The following PIEZO1 variants were observed in gnomAD, a reference collection of about 807,000 sequenced individuals.
PIEZO1 encodes the protein piezo type mechanosensitive ion channel component 1 (Er blood group), also known as piezo-type mechanosensitive ion channel component 1.
In PIEZO1, 296 loss-of-function variants were observed where a neutral mutation model predicts 297.2. The observed-to-expected ratio is 1.00, with a 90% CI of 0.91 to 1.10. The LOEUF is 1.10. Among genes scored for constraint, PIEZO1 ranks in the 50% least tolerant of loss-of-function variants. The pLI, the probability that PIEZO1 is intolerant of heterozygous loss-of-function variation, is 0.00. For missense variants in PIEZO1, 5,018 were observed against 3,455.5 expected (o/e 1.45, Z -11.34); for synonymous variants, 2,427 against 1,507.5 (o/e 1.61, Z -14.13).
At position 88,716,134 on chromosome 16, in the gene PIEZO1, G is replaced by GA; in HGVS notation, c.7130-16dup. On this transcript the variant is annotated splice_polypyrimidine_tract_variant and intron_variant, in intron 49 of 50. Coordinates refer to ENST00000301015, the MANE Select transcript of PIEZO1 (RefSeq NM_001142864.4). ...GGCCTCCTCATCTGGGATGGAGGGA[G>GA]AAGATCGTTGAGGCCGCAGGTCACC... 2.6e-6 allele frequency: 4 copies of GA among 1,535,930 alleles called. No individual in the cohort carries two copies. The highest frequency in any genetic ancestry group is 3.5e-6 in the Non-Finnish European group (4 of 1,137,068).
At chr16:88,724,531 CAAA>C (rs374217979) in intron 30 of PIEZO1, among the ~76,000 whole-genome samples, 25 of 99,422 alleles carry the variant, frequency 2.5e-4, no homozygotes, top group Admixed American at 6.0e-4. Flanking sequence ...ACACCGTCTC[CAAA>C]AAAAAAAAAA....
chr16:88,783,844 T>C (rs992959163), intron 1 of PIEZO1, among the ~76,000 whole-genome samples: 5 of 152,232 alleles, frequency 3.3e-5, no homozygotes, highest in African/African-American at 1.2e-4. Context: ...CAGGCGGCTC[T>C]AGATCCCCAA....
In PIEZO1 at chr16:88,722,805, C is replaced by T. The variant is rs1041417737; in HGVS notation, c.4668+32G>A. 1.8e-5 allele frequency: 28 copies of T among 1,538,506 alleles called. No homozygotes were observed. The African/African-American group carries it at 3.2e-4, about 17-fold the overall frequency. The stretch of plus-strand genomic sequence containing the variant: ...CAGGCAGGGGCGTAGTCAGGCAGAG[C>T]AGGGACGAGCGTGGTGCACGGGCAG... On this transcript the variant is annotated intron_variant, in intron 34 of 50. Transcript: ENST00000301015.
chr16:88,736,781 C>A (rs1217142984), intron 10 of PIEZO1, 42 bp from the exon 11 acceptor site: 1 of 1,281,108 alleles, frequency 7.8e-7, no homozygotes, highest in Non-Finnish European at 1.1e-6. Context: ...GGTTGATCTG[C>A]AGGCCTCCCC....
At chr16:88,734,598 G>T (rs910070855) in intron 15 of PIEZO1, 52 bp downstream of exon 15, 5 of 1,547,934 alleles carry the variant, frequency 3.2e-6, no homozygotes, top group African/African-American at 2.7e-5. Flanking sequence ...CAGCCCCGGG[G>T]AAGTGCACGG....
intron 1 of PIEZO1, among the ~76,000 whole-genome samples, chr16:88,751,835 A>G (rs2142867584): frequency 6.6e-6 from 1 of 152,186 alleles, no homozygotes; most frequent in Middle Eastern, 3.4e-3. Context: ...TCCCCTCTGC[A>G]CCTGTCCAGC....
intron 21 of PIEZO1, 131 bp from the exon 22 acceptor site, chr16:88,732,041 C>T (rs1402648323): frequency 4.7e-5 from 4 of 84,520 alleles, no homozygotes; most frequent in South Asian, 1.4e-4. Context: ...AAGGACAGGG[C>T]CAGCGGCGCT....
Position 88,725,629 on chromosome 16 carries a change from T to G in PIEZO1, c.4024A>C (p.Ile1342Leu). The G allele has an allele frequency of 2.6e-6, 4 of 1,549,676 alleles. No individual in the cohort carries two copies. The highest frequency in any genetic ancestry group is 3.5e-6 in the Non-Finnish European group (4 of 1,146,156). The change falls in exon 28 of 51, where the codon ATA becomes CTA. Residue 1342 changes from isoleucine (I) to leucine (L), a missense_variant. Ile to Leu is a conservative substitution (Grantham distance 5). Transcript: ENST00000301015. The stretch of plus-strand genomic sequence containing the variant: ...AGCTGGGCCAGGGACTTCTCCTCTA[T>G]CCTGCGGTGAAAGTCAATGCTCTTG... The part of the protein sequence containing the change: ...NLKSIDFHRR[I>L]EEKSLAQLKR...
intron 1 of PIEZO1, among the ~76,000 whole-genome samples, chr16:88,770,474 G>A (rs1471490186): frequency 6.6e-6 from 1 of 152,232 alleles, no homozygotes; most frequent in Non-Finnish European, 1.5e-5. Context: ...GAAGAGTCCA[G>A]AGTCTGCCAG....
intron 2 of PIEZO1, among the ~76,000 whole-genome samples, chr16:88,746,901 C>G (rs530201170): frequency 6.6e-6 from 1 of 152,366 alleles, no homozygotes; most frequent in South Asian, 2.1e-4. Context: ...ACCGGCTCCA[C>G]AGAGCAAAGG....
In PIEZO1 at chr16:88,723,218, C is replaced by G; in HGVS notation, c.4438+8G>C. The G allele has an allele frequency of 1.3e-6, 2 of 1,548,350 alleles. No individual in the cohort carries two copies. The highest frequency in any genetic ancestry group is 1.7e-6 in the Non-Finnish European group (2 of 1,146,840). On this transcript the variant is annotated splice_region_variant and intron_variant, in intron 32 of 50. Transcript: ENST00000301015. ...TTCCCCTCAGAGTCCCCACGCCCCC[C>G]AGCTCACCTGTGGGTAGCTGTCCTG...
intron 1 of PIEZO1, among the ~76,000 whole-genome samples, chr16:88,781,412 C>G (rs1907931862): frequency 6.6e-6 from 1 of 152,246 alleles, no homozygotes; most frequent in Non-Finnish European, 1.5e-5. Flanking sequence ...TGGGCAGTCC[C>G]TGGCCCCTTC....
intron 2 of PIEZO1, among the ~76,000 whole-genome samples, chr16:88,744,686 C>T (rs559623150): frequency 4.0e-5 from 6 of 151,614 alleles, no homozygotes; most frequent in East Asian, 1.9e-4. Context: ...GTTCAGTTCT[C>T]GGGCCGGCCA....
Position 88,719,689 on chromosome 16 carries a change from C to T in PIEZO1, c.6356G>A (p.Arg2119Gln), listed in dbSNP as rs1403034076. The T allele has an allele frequency of 1.5e-5, 23 of 1,552,374 alleles. No homozygotes were observed. Among genetic ancestry groups the T allele is most frequent in the Admixed American group, 3.9e-5 (2 of 51,276 alleles). Residue 2119 changes from arginine (R) to glutamine (Q), a missense_variant, in exon 44 of 51, where the codon CGG becomes CAG. By Grantham distance (43) the Arg-to-Gln change is conservative. Transcript: ENST00000301015. ...CGTCCACACCCAGTCCATCACTGCC[C>T]GCAGCTCCACCAGGAACGGCACCAG... ...FRLVPFLVELRAVMDWVWTDT... is the reference protein window; with the variant it reads ...FRLVPFLVELQAVMDWVWTDT...
chr16:88,726,836 C>T lies in PIEZO1; in HGVS notation c.3578G>A (p.Cys1193Tyr), dbSNP rs576320358. The T allele has an allele frequency of 1.3e-6, 2 of 1,550,376 alleles. No homozygotes were observed. Among genetic ancestry groups the T allele is most frequent in the East Asian group, 2.4e-5 (1 of 40,908 alleles). Residue 1193 changes from cysteine to tyrosine, a missense_variant, in exon 25 of 51, where the codon TGC (cysteine) becomes TAC (tyrosine). Cys to Tyr is a radical substitution (Grantham distance 194). Transcript: ENST00000301015. ...SIFGLGYLLA[C>Y]FYLLLFGTAL... Reference sequence around the variant, plus strand: ...CGTGCCGAAGAGCAGCAGGTAGAAGCAGGCCAGCAGGTAGCCCAGCCCGAA... The same window carrying T: ...CGTGCCGAAGAGCAGCAGGTAGAAGTAGGCCAGCAGGTAGCCCAGCCCGAA...
At chr16:88,748,232 G>T (rs1906165035) in intron 2 of PIEZO1, among the ~76,000 whole-genome samples, 2 of 43,144 alleles carry the variant, frequency 4.6e-5, no homozygotes, top group East Asian at 1.3e-3. Context: ...CCCACGTTTG[G>T]CCCATGGCCT....
At chr16:88,774,326 G>C (rs1907560386) in intron 1 of PIEZO1, among the ~76,000 whole-genome samples, 1 of 152,262 alleles carries the variant, frequency 6.6e-6, no homozygotes, top group African/African-American at 2.4e-5. Flanking sequence ...GGGAGGCGGA[G>C]TTTGCGATGA....
At chr16:88,784,795 G>A in intron 1 of PIEZO1, 106 bp downstream of exon 1, 5 of 800,946 alleles carry the variant, frequency 6.2e-6, no homozygotes, top group Non-Finnish European at 5.2e-6. Context: ...TTCCGCGCCC[G>A]CTCGCCCGCA....
chr16:88,730,970 C>A (rs528275884), intron 22 of PIEZO1, among the ~76,000 whole-genome samples: 1 of 152,390 alleles, frequency 6.6e-6, no homozygotes, highest in East Asian at 1.9e-4. Context: ...CTGGGTGCCA[C>A]TGTGGGGCAG....
Sources: gnomAD v4.1 joint callset for allele counts (sites outside exome capture counted in the v4.1 genomes callset) on GRCh38, gnomAD v4.1.1 for gene constraint, MANE v1.5 for transcripts, NCBI Gene and HGNC (gene_info 2026-07-23, HGNC 2026-07-21) for gene names.